ASXL1: variants seen among roughly 807,000 people sequenced by gnomAD.
The protein encoded by ASXL1 is ASXL transcriptional regulator 1, also known as polycomb group protein ASXL1.
In ASXL1, 65 loss-of-function variants were observed where a neutral mutation model predicts 89.1. The observed-to-expected ratio is 0.73, with a 90% CI of 0.60 to 0.90. The LOEUF is 0.90. ASXL1 is among the 40% of genes least tolerant of loss of function. ASXL1 has a pLI of 0.00. For synonymous variants in ASXL1, 739 were observed against 746.9 expected, an observed-to-expected ratio of 0.99 and a Z score of 0.17; for missense variants, 1,786 against 1,942.9, an observed-to-expected ratio of 0.92 and a Z score of 1.52.
chr20:32,369,927 G>T (rs891286181), intron 4 of ASXL1, among the ~76,000 whole-genome samples: 1 of 151,428 alleles, frequency 6.6e-6, no homozygotes. Flanking sequence ...CACCATGTTG[G>T]CCAGGCTCGT....
In ASXL1 at chr20:32,358,384, G is replaced by A. The variant is rs886056584; in HGVS notation, c.-392G>A. 2.1e-4 allele frequency: 49 copies of A among 234,124 alleles called. No individual in the cohort carries two copies. The East Asian group carries it at 2.8e-3, about 13-fold the overall frequency. 14.5% of individuals were successfully genotyped at this position (234,124 alleles called of 1,614,324 possible). ...CACGCACGCACCCGGGCGCCGAAGG[G>A]AAAGCCGCGTCTCGCCCTCCCGCCC... On this transcript the variant is annotated 5_prime_UTR_variant, in exon 1 of 13. Transcript: ENST00000375687.
intron 4 of ASXL1, among the ~76,000 whole-genome samples, chr20:32,391,641 C>T (rs999131556): frequency 1.3e-5 from 2 of 152,162 alleles, no homozygotes; most frequent in African/African-American, 4.8e-5. Flanking sequence ...AGGTGTGTGT[C>T]ACCATGCCTG....
At chr20:32,404,799 G>A (rs993630489) in intron 4 of ASXL1, among the ~76,000 whole-genome samples, 17 of 152,146 alleles carry the variant, frequency 1.1e-4, no homozygotes, top group Admixed American at 8.5e-4. Context: ...TTATCAAGTT[G>A]AGGACGTTTT....
Position 32,433,815 on chromosome 20 carries a change from G to GC in ASXL1, c.1621dup (p.Arg541ProfsTer3). The GC allele has an allele frequency of 6.2e-7, 1 of 1,614,126 alleles. No individual in the cohort carries two copies. Among genetic ancestry groups the GC allele is most frequent in the South Asian group, 1.1e-5 (1 of 91,086 alleles). ...CCTCTGCATCCTTTCCCGAAAAGAA[G>GC]CCCCGGCTTGAAGATCGTCAGTCCT... On this transcript the variant is annotated frameshift_variant, in exon 12 of 13. Coordinates refer to ENST00000375687, the MANE Select transcript of ASXL1 (RefSeq NM_015338.6). LOFTEE classifies it high-confidence loss of function.
chr20:32,376,224 TATTTTA>T (rs1275698117), intron 4 of ASXL1, among the ~76,000 whole-genome samples: 3 of 151,968 alleles, frequency 2.0e-5, no homozygotes, highest in African/African-American at 7.2e-5. Flanking sequence ...AGACACCAGT[TATTTTA>T]TTTTATTTTT....
chr20:32,434,223 G>A, intron 12 of ASXL1: 1 of 717,142 alleles, frequency 1.4e-6, no homozygotes, highest in African/African-American at 1.8e-5. Flanking sequence ...ATTAAATTTA[G>A]AAGTGTGGCA....
chr20:32,411,215 CTTTTTTTTTTTTT>C (rs71187118), intron 4 of ASXL1, among the ~76,000 whole-genome samples: 3 of 53,394 alleles, frequency 5.6e-5, no homozygotes, highest in African/African-American at 1.6e-4. Flanking sequence ...TTTATGGATT[CTTTTTTTTTTTTT>C]TTTTTTTTTT....
At chr20:32,377,175 T>G (rs1247521569) in intron 4 of ASXL1, among the ~76,000 whole-genome samples, 1 of 142,760 alleles carries the variant, frequency 7.0e-6, no homozygotes, top group African/African-American at 2.6e-5. Context: ...ATATTATATA[T>G]AATATATTAT....
intron 4 of ASXL1, among the ~76,000 whole-genome samples, chr20:32,396,316 T>G (rs1194907870): frequency 6.6e-6 from 1 of 152,208 alleles, no homozygotes; most frequent in East Asian, 1.9e-4. Context: ...TGAATTTCAC[T>G]TTGGGTTGTG....
At chr20:32,406,507 C>T (rs1282454246) in intron 4 of ASXL1, among the ~76,000 whole-genome samples, 1 of 152,172 alleles carries the variant, frequency 6.6e-6, no homozygotes, top group East Asian at 1.9e-4. Context: ...GCCGAGATTG[C>T]ACCACTGCAC....
intron 4 of ASXL1, among the ~76,000 whole-genome samples, chr20:32,420,096 T>G (rs2049215565): frequency 6.6e-6 from 1 of 152,014 alleles, no homozygotes; most frequent in Non-Finnish European, 1.5e-5. Context: ...AATCTTTTAC[T>G]AGGTCTGAGT....
chr20:32,370,012 C>T (rs760883917), intron 4 of ASXL1, among the ~76,000 whole-genome samples: 2 of 152,050 alleles, frequency 1.3e-5, no homozygotes, highest in African/African-American at 2.4e-5. Flanking sequence ...AGCCACTGCA[C>T]CTGGCCACAG....
In ASXL1 at chr20:32,436,072, G is replaced by A. The variant is rs886056602; in HGVS notation, c.3360G>A (p.Lys1120=). Residue 1120 remains lysine (K), a synonymous_variant, in exon 13 of 13, where the codon AAG becomes AAA. Transcript: ENST00000375687. The part of the protein sequence containing the change: ...QLLQGSLPLE[K]VLPPAHDDSM... ...TGCAGGGTAGCTTGCCCCTAGAGAAGGTTCTTCCACCAGCCCACGATGACA... is the reference window on the plus strand; with the variant it reads ...TGCAGGGTAGCTTGCCCCTAGAGAAAGTTCTTCCACCAGCCCACGATGACA... 1.5e-5 allele frequency: 24 copies of A among 1,614,060 alleles called. No homozygotes were observed. Among genetic ancestry groups the A allele is most frequent in the Admixed American group, 3.3e-5 (2 of 60,000 alleles).
chr20:32,367,338 C>T (rs888768944), intron 2 of ASXL1, among the ~76,000 whole-genome samples: 3 of 152,164 alleles, frequency 2.0e-5, no homozygotes, highest in Middle Eastern at 3.2e-3. Flanking sequence ...CGAGATTGCA[C>T]CACTGCACTC....
At chr20:32,374,768 A>G (rs1051264326) in intron 4 of ASXL1, among the ~76,000 whole-genome samples, 1 of 152,192 alleles carries the variant, frequency 6.6e-6, no homozygotes, top group Non-Finnish European at 1.5e-5. Context: ...CAAAGATCTG[A>G]ACCAGCTGAT....
chr20:32,396,370 A>C (rs894508437), intron 4 of ASXL1, among the ~76,000 whole-genome samples: 1 of 152,144 alleles, frequency 6.6e-6, no homozygotes, highest in African/African-American at 2.4e-5. Context: ...TTTGTTCTGG[A>C]GTGCAGATGA....
Position 32,436,023 on chromosome 20 carries a change from C to T in ASXL1, c.3311C>T (p.Thr1104Ile). The T allele has an allele frequency of 6.2e-7, 1 of 1,614,196 alleles. No individual in the cohort carries two copies. Among genetic ancestry groups the T allele is most frequent in the Non-Finnish European group, 8.5e-7 (1 of 1,180,042 alleles). Residue 1104 changes from threonine to isoleucine, a missense_variant, in exon 13 of 13, where the codon ACT becomes ATT. Coordinates refer to ENST00000375687, the MANE Select transcript of ASXL1 (RefSeq NM_015338.6). ...ATGCCTGGGTCCTCAGTGGAGGCCA[C>T]TAACCCACTTGTGATGCAGTTGCTG... The part of the protein sequence containing the change: ...LSMPGSSVEA[T>I]NPLVMQLLQG...
chr20:32,373,532 A>G (rs968575165), intron 4 of ASXL1, among the ~76,000 whole-genome samples: 1 of 152,084 alleles, frequency 6.6e-6, no homozygotes, highest in East Asian at 1.9e-4. Context: ...TATAAAAGCA[A>G]TATACGTAAA....
chr20:32,416,967 C>G (rs2049148930), intron 4 of ASXL1, among the ~76,000 whole-genome samples: 1 of 152,066 alleles, frequency 6.6e-6, no homozygotes, highest in South Asian at 2.1e-4. Flanking sequence ...GATCTATAGT[C>G]CCTTATTAAC....
Sources: gnomAD v4.1 joint callset for allele counts (sites outside exome capture counted in the v4.1 genomes callset) on GRCh38, gnomAD v4.1.1 for gene constraint, MANE v1.5 for transcripts, NCBI Gene and HGNC (gene_info 2026-07-23, HGNC 2026-07-21) for gene names.